The following SSBP2 variants were observed in gnomAD, a reference collection of about 807,000 sequenced individuals.
The protein encoded by SSBP2 is single-stranded DNA-binding protein 2.
SSBP2 carries 17 observed loss-of-function variants against 61.8 expected under a neutral mutation model. That is an observed-to-expected ratio of 0.28 (90% CI 0.19 to 0.41). SSBP2 has a LOEUF of 0.41. Among genes scored for constraint, SSBP2 ranks in the 10% least tolerant of loss-of-function variants. The probability of loss-of-function intolerance (pLI) is 1.00; values close to 1 mark genes in which losing one functional copy is unlikely to be tolerated. For missense variants in SSBP2, 310 were observed against 458.7 expected, an observed-to-expected ratio of 0.68 and a Z score of 2.96; for synonymous variants, 139 against 141.3, an observed-to-expected ratio of 0.98 and a Z score of 0.12.
Position 81,440,596 on chromosome 5 carries a change from A to G in SSBP2, c.890T>C (p.Leu297Ser), listed in dbSNP as rs1212364879. 1 of 1,613,558 alleles carries G rather than the reference A, an allele frequency of 6.2e-7. No individual in the cohort carries two copies. Residue 297 changes from leucine (L) to serine (S), a missense_variant, in exon 14 of 17, where the codon TTA (leucine) becomes TCA (serine). By Grantham distance (145) the Leu-to-Ser change is moderately radical (BLOSUM62 -2). Coordinates refer to ENST00000320672, the MANE Select transcript of SSBP2 (RefSeq NM_012446.5). ...CATGTGATGTGACTCCATTCCTCCT[A>G]ATCCACCCATGGGACCATCTGACCC...
At chr5:81,562,070 A>C (rs1415158030) in intron 4 of SSBP2, among the ~76,000 whole-genome samples, 1 of 150,920 alleles carries the variant, frequency 6.6e-6, no homozygotes, top group African/African-American at 2.4e-5. Context: ...ACACTTGGCT[A>C]ATTTTTTTTT....
chr5:81,647,745 T>C (rs1021405431), intron 2 of SSBP2, among the ~76,000 whole-genome samples: 1 of 152,102 alleles, frequency 6.6e-6, no homozygotes, highest in African/African-American at 2.4e-5. Flanking sequence ...GAAAATGAAA[T>C]AATGACAAAT....
At chr5:81,543,808 A>T (rs1048957026) in intron 4 of SSBP2, among the ~76,000 whole-genome samples, 2 of 152,236 alleles carry the variant, frequency 1.3e-5, no homozygotes, top group African/African-American at 4.8e-5. Context: ...ATTTAAAACA[A>T]GACATCCAAA....
At chr5:81,598,221 A>C (rs1204139005) in intron 4 of SSBP2, among the ~76,000 whole-genome samples, 2 of 152,062 alleles carry the variant, frequency 1.3e-5, no homozygotes, top group Non-Finnish European at 2.9e-5. Flanking sequence ...GTAGTCAGAA[A>C]ATTTTTCAAA....
At chr5:81,644,694 A>G (rs2153696013) in intron 2 of SSBP2, among the ~76,000 whole-genome samples, 1 of 152,238 alleles carries the variant, frequency 6.6e-6, no homozygotes. Context: ...AAAAACAGAA[A>G]ACTTCAGGCA....
chr5:81,462,993 T>C (rs1314534363), intron 9 of SSBP2, among the ~76,000 whole-genome samples: 1 of 152,040 alleles, frequency 6.6e-6, no homozygotes, highest in Non-Finnish European at 1.5e-5. Context: ...AATGTTAAAA[T>C]AATTAAATAT....
chr5:81,736,450 T>C (rs1408588598), intron 1 of SSBP2, among the ~76,000 whole-genome samples: 5 of 152,240 alleles, frequency 3.3e-5, no homozygotes, highest in Non-Finnish European at 5.9e-5. Flanking sequence ...GAAATTGATA[T>C]ATGCTCACAA....
intron 4 of SSBP2, among the ~76,000 whole-genome samples, chr5:81,585,710 C>T (rs1204282576): frequency 1.3e-5 from 2 of 152,056 alleles, no homozygotes; most frequent in Non-Finnish European, 2.9e-5. Flanking sequence ...TTCAAGTATA[C>T]ATTATTATTA....
chr5:81,605,950 G>A (rs1744843634), intron 4 of SSBP2, among the ~76,000 whole-genome samples: 1 of 152,128 alleles, frequency 6.6e-6, no homozygotes, highest in African/African-American at 2.4e-5. Flanking sequence ...AAAAACGGTT[G>A]AGAACAGATT....
intron 1 of SSBP2, among the ~76,000 whole-genome samples, chr5:81,729,149 A>G (rs1756090669): frequency 6.6e-6 from 1 of 152,176 alleles, no homozygotes. Context: ...TAAAAATTAT[A>G]ATGTTAATGG....
chr5:81,578,845 C>T (rs1334746765), intron 4 of SSBP2, among the ~76,000 whole-genome samples: 3 of 151,242 alleles, frequency 2.0e-5, no homozygotes, highest in African/African-American at 4.9e-5. Context: ...CTATTTTGTA[C>T]GATGGGAAAA....
At chr5:81,578,357 G>A (rs1326566358) in intron 4 of SSBP2, among the ~76,000 whole-genome samples, 5 of 151,982 alleles carry the variant, frequency 3.3e-5, no homozygotes, top group South Asian at 2.1e-4. Context: ...CCCAGAGAAC[G>A]TCAGTGCTTG....
At chr5:81,730,179 A>T (rs1464831641) in intron 1 of SSBP2, among the ~76,000 whole-genome samples, 1 of 152,194 alleles carries the variant, frequency 6.6e-6, no homozygotes, top group Non-Finnish European at 1.5e-5. Flanking sequence ...TCTATTTTTA[A>T]AATGAACGCT....
rs1347602496 is a variant in SSBP2 at position 81,420,515 on chromosome 5, T to C, written c.1075A>G (p.Met359Val). 6.2e-7 allele frequency: 1 copy of C among 1,613,890 alleles called. No individual in the cohort carries two copies. Among genetic ancestry groups the C allele is most frequent in the Non-Finnish European group, 8.5e-7 (1 of 1,179,814 alleles). Residue 359 changes from methionine to valine, a missense_variant, in exon 17 of 17, where the codon ATG becomes GTG. Physicochemically the swap from Met to Val is conservative, Grantham distance 21. Transcript: ENST00000320672. ...GACTTGGTAATGGATCACACGCTCATTGTCATGCTAGGGGAGTACTAGAAG... is the reference window on the plus strand; with the variant it reads ...GACTTGGTAATGGATCACACGCTCACTGTCATGCTAGGGGAGTACTAGAAG...
chr5:81,554,077 G>A lies in SSBP2; in HGVS notation c.283-40360C>T, dbSNP rs1248604137. ...TTAATTTTAAAAAAAGAGAGTGCTT[G>A]CATAAGTAACAAAAACAGATTCCGG... On this transcript the variant is annotated intron_variant, in intron 4 of 16. Coordinates refer to ENST00000320672, the MANE Select transcript of SSBP2 (RefSeq NM_012446.5). Among the ~76,000 whole-genome samples the A allele has an allele frequency of 3.3e-5, 5 of 152,126 alleles. No homozygotes were observed. In the East Asian group the frequency reaches 9.6e-4, roughly 29 times the overall value.
intron 16 of SSBP2, among the ~76,000 whole-genome samples, chr5:81,426,624 A>C (rs1761968770): frequency 6.6e-6 from 1 of 152,244 alleles, no homozygotes; most frequent in South Asian, 2.1e-4. Context: ...TGCCATGTGC[A>C]TAGTCCATTA....
chr5:81,552,399 G>T (rs1043054333), intron 4 of SSBP2, among the ~76,000 whole-genome samples: 4 of 152,268 alleles, frequency 2.6e-5, no homozygotes, highest in Middle Eastern at 3.4e-3. Context: ...AAAATTTTGG[G>T]AGGCCCAGGT....
At chr5:81,665,752 G>A (rs911982371) in intron 1 of SSBP2, among the ~76,000 whole-genome samples, 1 of 152,104 alleles carries the variant, frequency 6.6e-6, no homozygotes, top group Non-Finnish European at 1.5e-5. Flanking sequence ...TGATCTACCC[G>A]CCTTGGCCTC....
rs1761258605 is a variant in SSBP2, at chr5:81,415,210, T to C, written c.*5294A>G. 1 of 152,232 alleles carries C rather than the reference T, an allele frequency of 6.6e-6. No homozygotes were observed. The highest frequency in any genetic ancestry group is 2.4e-5 in the African/African-American group (1 of 41,470). The allele number at this position is 152,232 out of a possible 1,614,324, so 9.4% of individuals were successfully genotyped here. A position where few individuals can be genotyped will look rare whatever the true frequency, so the allele number is the denominator to read the frequency against. On this transcript the variant is annotated 3_prime_UTR_variant, in exon 17 of 17. Coordinates refer to ENST00000320672, the MANE Select transcript of SSBP2 (RefSeq NM_012446.5). Reference sequence around the variant, plus strand: ...GGCAACCTTGTCCCCCATACTGGATTACTCCCTCCCATACTATACATTCAC... The same window carrying C: ...GGCAACCTTGTCCCCCATACTGGATCACTCCCTCCCATACTATACATTCAC...
Sources: gnomAD v4.1 joint callset for allele counts (sites outside exome capture counted in the v4.1 genomes callset) on GRCh38, gnomAD v4.1.1 for gene constraint, MANE v1.5 for transcripts, NCBI Gene and HGNC (gene_info 2026-07-23, HGNC 2026-07-21) for gene names.